OPCML: variants seen among roughly 807,000 people sequenced by gnomAD.
OPCML encodes opioid-binding protein/cell adhesion molecule.
In OPCML, 13 loss-of-function variants were observed where a neutral mutation model predicts 37.8. The ratio of observed to expected loss-of-function variants is 0.34; its 90% CI spans 0.22 to 0.55. The LOEUF is 0.55. Ranked by LOEUF, OPCML falls within the 20% of genes least tolerant of loss-of-function variation. The pLI is 0.91. For missense variants in OPCML, 341 were observed against 435.6 expected (o/e 0.78, Z 1.93); for synonymous variants, 176 against 168.8 (o/e 1.04, Z -0.33).
chr11:132,883,494 A>T (rs1432610149), intron 2 of OPCML, among the ~76,000 whole-genome samples: 2 of 152,154 alleles, frequency 1.3e-5, no homozygotes, highest in African/African-American at 4.8e-5. Context: ...CAGCTCAGTG[A>T]GGTTGGTTCC....
At chr11:133,479,577 A>G (rs1947329785) in intron 1 of OPCML, among the ~76,000 whole-genome samples, 1 of 152,174 alleles carries the variant, frequency 6.6e-6, no homozygotes, top group Non-Finnish European at 1.5e-5. Flanking sequence ...CTTCTTGCAG[A>G]GCTTGGAGGC....
Position 132,960,819 on chromosome 11 carries a change from T to C in OPCML, c.62-17809A>G, listed in dbSNP as rs1040837539. On this transcript the variant is annotated intron_variant, in intron 1 of 7. Coordinates refer to ENST00000524381, the MANE Select transcript of OPCML (RefSeq NM_001012393.5). Reference sequence around the variant, plus strand: ...CCAGACGTGGTGATTTGGTCTGACATCTTTGTGTATGCAATCAACCCATGT... The same window carrying C: ...CCAGACGTGGTGATTTGGTCTGACACCTTTGTGTATGCAATCAACCCATGT... Among the ~76,000 whole-genome samples, 6 of 152,186 alleles carry C rather than the reference T, an allele frequency of 3.9e-5. No homozygotes were observed. In the South Asian group the frequency reaches 6.2e-4, roughly 16 times the overall value.
intron 1 of OPCML, among the ~76,000 whole-genome samples, chr11:133,371,621 G>C (rs190318105): frequency 6.6e-6 from 1 of 152,162 alleles, no homozygotes; most frequent in Non-Finnish European, 1.5e-5. Context: ...CTGCCGCCTT[G>C]TGAAGAAGCT....
intron 2 of OPCML, among the ~76,000 whole-genome samples, chr11:132,690,447 G>A (rs1485875194): frequency 6.6e-6 from 1 of 152,198 alleles, no homozygotes; most frequent in Non-Finnish European, 1.5e-5. Flanking sequence ...TCATCTCCGA[G>A]TGCCTATTTG....
At chr11:132,458,824 G>A (rs1010368956) in intron 4 of OPCML, among the ~76,000 whole-genome samples, 6 of 152,148 alleles carry the variant, frequency 3.9e-5, no homozygotes, top group African/African-American at 1.4e-4. Context: ...TCCACACTCA[G>A]TCTATTCAAT....
chr11:132,650,727 C>G (rs545274511), intron 3 of OPCML, among the ~76,000 whole-genome samples: 1 of 152,152 alleles, frequency 6.6e-6, no homozygotes, highest in Non-Finnish European at 1.5e-5. Flanking sequence ...GAGATGCAGG[C>G]CTGCACTTTT....
intron 1 of OPCML, among the ~76,000 whole-genome samples, chr11:132,993,796 T>C (rs1157753015): frequency 6.6e-6 from 1 of 152,136 alleles, no homozygotes; most frequent in Non-Finnish European, 1.5e-5. Context: ...TTTCTAGACA[T>C]TGACAGGCCA....
intron 1 of OPCML, among the ~76,000 whole-genome samples, chr11:133,116,344 T>C (rs192773199): frequency 1.3e-3 from 194 of 152,352 alleles, no homozygotes; most frequent in African/African-American, 4.0e-3. Flanking sequence ...TACTATCTAA[T>C]TCATAATTTC....
At chr11:132,815,108 T>A (rs1414482243) in intron 2 of OPCML, among the ~76,000 whole-genome samples, 1 of 152,194 alleles carries the variant, frequency 6.6e-6, no homozygotes, top group African/African-American at 2.4e-5. Context: ...TTGCCCCACA[T>A]GGACTATTTT....
Position 132,889,850 on chromosome 11 carries a change from G to A in OPCML, c.146+53076C>T, listed in dbSNP as rs369786416. On this transcript the variant is annotated intron_variant, in intron 2 of 7. Transcript: ENST00000524381. The stretch of plus-strand genomic sequence containing the variant: ...AGATGTCAATAAATGCTTGCTTCCC[G>A]AATGAAAAAGTGAACAGAAATTGCA... Among the ~76,000 whole-genome samples, 20 of 152,262 alleles carry A rather than the reference G, an allele frequency of 1.3e-4. No individual in the cohort carries two copies. The South Asian group carries it at 3.3e-3, about 25-fold the overall frequency.
chr11:133,408,462 G>A (rs991502773), intron 1 of OPCML, among the ~76,000 whole-genome samples: 1 of 152,204 alleles, frequency 6.6e-6, no homozygotes, highest in African/African-American at 2.4e-5. Context: ...GCATTTGGAT[G>A]ATTACTTTAG....
intron 1 of OPCML, among the ~76,000 whole-genome samples, chr11:133,356,892 A>T (rs1225003660): frequency 1.3e-5 from 2 of 152,206 alleles, no homozygotes; most frequent in African/African-American, 2.4e-5. Context: ...ATCTCCAAGG[A>T]CTTTTCTGCA....
rs551663767 is a variant in OPCML, at chr11:133,102,876, T to C, written c.62-159866A>G. ...AAATCTGAGATCTCTCTAAATGAGATAGAATTATGACTATGGGCTATAAAG... is the reference window on the plus strand; with the variant it reads ...AAATCTGAGATCTCTCTAAATGAGACAGAATTATGACTATGGGCTATAAAG... On this transcript the variant is annotated intron_variant, in intron 1 of 7. Transcript: ENST00000524381. 2.1e-4 allele frequency among the ~76,000 whole-genome samples: 32 copies of C among 152,288 alleles called. No individual in the cohort carries two copies. In the South Asian group the frequency reaches 4.8e-3, roughly 23 times the overall value.
chr11:132,518,592 A>G (rs111372293), intron 4 of OPCML, among the ~76,000 whole-genome samples: 13 of 152,146 alleles, frequency 8.5e-5, no homozygotes, highest in African/African-American at 3.1e-4. Flanking sequence ...CAATACATGC[A>G]CTCATTCCAG....
chr11:133,135,440 G>GTTTTT (rs11291782), intron 1 of OPCML, among the ~76,000 whole-genome samples: 4 of 131,270 alleles, frequency 3.0e-5, no homozygotes, highest in Non-Finnish European at 6.5e-5. Context: ...CCCTCCATAG[G>GTTTTT]TTTTTTTTTT....
At chr11:132,974,201 A>G (rs1946407050) in intron 1 of OPCML, among the ~76,000 whole-genome samples, 1 of 152,210 alleles carries the variant, frequency 6.6e-6, no homozygotes, top group Non-Finnish European at 1.5e-5. Flanking sequence ...AATATATGAC[A>G]ACATAAACTA....
At chr11:133,146,545 C>T (rs541910376) in intron 1 of OPCML, among the ~76,000 whole-genome samples, 3 of 152,088 alleles carry the variant, frequency 2.0e-5, no homozygotes, top group Non-Finnish European at 4.4e-5. Flanking sequence ...GAACTCCTGA[C>T]CTTGTGACTT....
chr11:133,185,089 G>A (rs945700162), intron 1 of OPCML, among the ~76,000 whole-genome samples: 1 of 152,042 alleles, frequency 6.6e-6, no homozygotes, highest in Non-Finnish European at 1.5e-5. Flanking sequence ...AAAAGTGTAG[G>A]GCACAGAGAA....
chr11:133,232,118 C>A (rs1241814644), intron 1 of OPCML, among the ~76,000 whole-genome samples: 2 of 152,148 alleles, frequency 1.3e-5, no homozygotes, highest in African/African-American at 4.8e-5. Context: ...TCACCATATG[C>A]CCCCATAGCA....
Sources: allele counts gnomAD v4.1 joint callset (sites outside exome capture counted in the v4.1 genomes callset), GRCh38; gene constraint gnomAD v4.1.1; transcripts MANE v1.5; gene names NCBI Gene and HGNC (gene_info 2026-07-23, HGNC 2026-07-21).